The following SP140 variants were observed in gnomAD, a reference collection of about 807,000 sequenced individuals.
The protein encoded by SP140 is nuclear body protein SP140.
In SP140, 81 loss-of-function variants were observed where a neutral mutation model predicts 125.0. That is an observed-to-expected ratio of 0.65 (90% CI 0.54 to 0.78). SP140 has a LOEUF of 0.78. SP140 is among the 30% of genes least tolerant of loss of function. The pLI, the probability that SP140 is intolerant of heterozygous loss-of-function variation, is 0.00. For synonymous variants in SP140, 312 were observed against 354.0 expected (o/e 0.88, Z 1.33); for missense variants, 858 against 1,037.0 (o/e 0.83, Z 2.37).
At chr2:230,205,655 C>A (rs2043699743) in intron 1 of SP140, among the ~76,000 whole-genome samples, 1 of 152,138 alleles carries the variant, frequency 6.6e-6, no homozygotes, top group Non-Finnish European at 1.5e-5. Flanking sequence ...GTGCTCACTG[C>A]ATATTTGTTG....
upstream of SP140, among the ~76,000 whole-genome samples, chr2:230,198,929 G>T (rs578117813): frequency 6.6e-6 from 1 of 152,160 alleles, no homozygotes; most frequent in Admixed American, 6.5e-5. Flanking sequence ...AGTGGAGGAG[G>T]TGTGCCCTTC....
intron 12 of SP140, among the ~76,000 whole-genome samples, chr2:230,261,858 T>C (rs775392243): frequency 2.6e-5 from 4 of 152,222 alleles, no homozygotes; most frequent in Non-Finnish European, 4.4e-5. Context: ...AGTTGGCAAG[T>C]ATTTTGTTAA....
rs561216948 is a variant in SP140 at position 230,261,767 on chromosome 2, A to G, written c.1240+6235A>G. 1.9e-3 allele frequency among the ~76,000 whole-genome samples: 282 copies of G among 152,194 alleles called. 3 individuals are homozygous for G. Among genetic ancestry groups the G allele is most frequent in the African/African-American group, 6.5e-3 (270 of 41,526 alleles). ...TGGTGTATCATATTTATTGACTTGCATATGTTAAGCCATCCCTGCATCCCT... is the reference window on the plus strand; with the variant it reads ...TGGTGTATCATATTTATTGACTTGCGTATGTTAAGCCATCCCTGCATCCCT... On this transcript the variant is annotated intron_variant, in intron 12 of 26. Transcript: ENST00000392045.
At chr2:230,252,454 G>C (rs182660307) in intron 10 of SP140, among the ~76,000 whole-genome samples, 1 of 152,180 alleles carries the variant, frequency 6.6e-6, no homozygotes, top group Admixed American at 6.5e-5. Flanking sequence ...GGCAGGAGCA[G>C]TCCCAGAAAA....
At chr2:230,226,566 C>G (rs2046395193) in intron 1 of SP140, among the ~76,000 whole-genome samples, 1 of 151,920 alleles carries the variant, frequency 6.6e-6, no homozygotes, top group Middle Eastern at 3.2e-3. Flanking sequence ...ACAATGAGAC[C>G]AGTCTGACCA....
chr2:230,244,391 C>T (rs1388124431), intron 5 of SP140, among the ~76,000 whole-genome samples: 1 of 152,170 alleles, frequency 6.6e-6, no homozygotes, highest in African/African-American at 2.4e-5. Flanking sequence ...GAACATGACC[C>T]ACATCCCTGC....
intron 14 of SP140, among the ~76,000 whole-genome samples, chr2:230,270,366 A>T (rs184530345): frequency 3.3e-5 from 5 of 151,970 alleles, no homozygotes; most frequent in Non-Finnish European, 7.4e-5. Context: ...CTGCAGGTCT[A>T]CTCTTCTTAG....
At chr2:230,220,959 CTA>C (rs1429591646), upstream of SP140, among the ~76,000 whole-genome samples, 1 of 152,044 alleles carries the variant, frequency 6.6e-6, no homozygotes, top group Admixed American at 6.6e-5. Context: ...CTGCGGTGAG[CTA>C]TGATTGCACC....
intron 13 of SP140, 84 bp from the exon 14 acceptor site, chr2:230,269,753 T>C: frequency 8.5e-7 from 1 of 1,179,652 alleles, no homozygotes; most frequent in Non-Finnish European, 1.2e-6. Flanking sequence ...GAGGAAAAAG[T>C]AAAGAAGGGG....
intron 3 of SP140, among the ~76,000 whole-genome samples, chr2:230,214,383 A>G (rs2044858878): frequency 6.6e-6 from 1 of 152,034 alleles, no homozygotes; most frequent in Non-Finnish European, 1.5e-5. Context: ...GGGCCCTGGT[A>G]TTGGGAGACC....
intron 1 of SP140, among the ~76,000 whole-genome samples, chr2:230,229,669 A>G (rs1181639280): frequency 2.0e-5 from 3 of 151,610 alleles, no homozygotes; most frequent in Non-Finnish European, 2.9e-5. Flanking sequence ...GGATTTCACC[A>G]TGTTAGCCAG....
intron 4 of SP140, 135 bp downstream of exon 4, chr2:230,241,622 AC>A (rs1343075304): frequency 3.2e-6 from 2 of 624,328 alleles, no homozygotes; most frequent in African/African-American, 1.8e-5. Context: ...ACAGCCATGT[AC>A]CTGCCCTTAT....
At chr2:230,306,237 C>T (rs2058750309) in intron 22 of SP140, among the ~76,000 whole-genome samples, 1 of 152,232 alleles carries the variant, frequency 6.6e-6, no homozygotes, top group African/African-American at 2.4e-5. Flanking sequence ...CCTCTTTCCC[C>T]ACTGCATCCT....
At chr2:230,231,446 G>A (rs1463495641) in intron 1 of SP140, among the ~76,000 whole-genome samples, 1 of 152,166 alleles carries the variant, frequency 6.6e-6, no homozygotes, top group African/African-American at 2.4e-5. Flanking sequence ...CTAGCTGTAG[G>A]TGGCAGAGGT....
intron 12 of SP140, among the ~76,000 whole-genome samples, chr2:230,265,874 G>A (rs543504140): frequency 7.2e-4 from 110 of 152,158 alleles, no homozygotes; most frequent in African/African-American, 2.5e-3. Flanking sequence ...ACGAACCATG[G>A]CCTATTTTTT....
intron 3 of SP140, among the ~76,000 whole-genome samples, chr2:230,239,977 T>C (rs973392696): frequency 6.6e-6 from 1 of 152,176 alleles, no homozygotes; most frequent in Non-Finnish European, 1.5e-5. Flanking sequence ...AGCATCCACA[T>C]CTCATATGTT....
intron 1 of SP140, among the ~76,000 whole-genome samples, chr2:230,236,075 C>T (rs2047965071): frequency 6.6e-6 from 1 of 152,032 alleles, no homozygotes; most frequent in Admixed American, 6.5e-5. Flanking sequence ...ACAGGTTTCA[C>T]CATGTTAGCC....
chr2:230,220,836 T>G (rs2045752326), upstream of SP140, among the ~76,000 whole-genome samples: 1 of 152,030 alleles, frequency 6.6e-6, no homozygotes, highest in African/African-American at 2.4e-5. Flanking sequence ...AGACCCCATC[T>G]CTACAAAAAA....
chr2:230,262,926 T>C (rs1295119374), intron 12 of SP140, among the ~76,000 whole-genome samples: 1 of 152,192 alleles, frequency 6.6e-6, no homozygotes, highest in African/African-American at 2.4e-5. Context: ...ATAGAATGTA[T>C]ATTCTGTGGT....
Sources: allele counts gnomAD v4.1 joint callset (sites outside exome capture counted in the v4.1 genomes callset), GRCh38; gene constraint gnomAD v4.1.1; transcripts MANE v1.5; gene names NCBI Gene and HGNC (gene_info 2026-07-23, HGNC 2026-07-21).